Variants in AMPD2 observed in about 807,000 individuals in gnomAD.
The protein encoded by AMPD2 is adenosine monophosphate deaminase 2, also known as AMP deaminase 2.
Under a neutral mutation model 91.3 loss-of-function variants are expected in AMPD2, and 52 were observed. The ratio of observed to expected loss-of-function variants is 0.57; its 90% CI spans 0.46 to 0.72. AMPD2 has a LOEUF of 0.72. AMPD2 is among the 30% of genes least tolerant of loss of function. AMPD2 has a pLI of 0.00. For missense variants in AMPD2, 822 were observed against 1,122.3 expected (o/e 0.73, Z 3.82); for synonymous variants, 455 against 456.4 (o/e 1.00, Z 0.04).
Position 109,629,719 on chromosome 1 carries a change from C to T in AMPD2, c.1863-77C>T, listed in dbSNP as rs569544577. 1.6e-3 allele frequency: 2,278 copies of T among 1,442,574 alleles called. 21 individuals carry two copies. The African/African-American group carries it at 0.047, about 30-fold the overall frequency. The allele number at this position is 1,442,574 out of a possible 1,614,324, so 89.4% of individuals were successfully genotyped here. ...TTATTGGCTGGAGGACATATGCGTG[C>T]TGGGTGGGGGTCAGGGGCTCCGGTG... On this transcript the variant is annotated intron_variant, in intron 15 of 18. Transcript: ENST00000528667.
At chr1:109,621,305 C>T in intron 2 of AMPD2, 39 bp downstream of exon 2, 1 of 1,603,292 alleles carries the variant, frequency 6.2e-7, no homozygotes, top group South Asian at 1.1e-5. Flanking sequence ...AGATGCTGGG[C>T]TCTGTCTTGC....
chr1:109,629,260 T>C (rs1485270659), intron 14 of AMPD2, 25 bp downstream of exon 14: 2 of 1,613,966 alleles, frequency 1.2e-6, no homozygotes, highest in South Asian at 2.2e-5. Context: ...CAGAGCTGGG[T>C]ATGGGGAGGG....
At chr1:109,621,447 G>A (rs1318177461) in intron 2 of AMPD2, 181 bp downstream of exon 2, 3 of 657,896 alleles carry the variant, frequency 4.6e-6, no homozygotes, top group Middle Eastern at 4.1e-4. Context: ...GGTGGGGGGC[G>A]GGGGGTGGAT....
Position 109,624,445 on chromosome 1 carries a change from G to A in AMPD2, c.92-858G>A, listed in dbSNP as rs991942576. Among the ~76,000 whole-genome samples, 15 of 152,290 alleles carry A rather than the reference G, an allele frequency of 9.8e-5. No homozygotes were observed. In the East Asian group the frequency reaches 2.1e-3, roughly 22 times the overall value. On this transcript the variant is annotated intron_variant, in intron 2 of 18. Coordinates refer to ENST00000528667, the MANE Select transcript of AMPD2 (RefSeq NM_001368809.2). The surrounding 1 kb of genome is among the most constrained non-coding windows in gnomAD (Gnocchi z 5.2). ...ACGGCCCTCTGGTGCCAGCCTCCTC[G>A]TGGTACAGATGGAAAGTCTAGTCTT...
intron 2 of AMPD2, among the ~76,000 whole-genome samples, chr1:109,621,612 C>CT (rs1388585422): frequency 6.6e-6 from 1 of 152,166 alleles, no homozygotes; most frequent in Non-Finnish European, 1.5e-5. Flanking sequence ...GTGGGACTGA[C>CT]TGTTTTGTGG....
chr1:109,629,856 C>T lies in AMPD2; in HGVS notation c.1923C>T (p.His641=). Residue 641 remains histidine (H), a synonymous_variant, in exon 16 of 19, where the codon CAC becomes CAT. Transcript: ENST00000528667. ...RPHCGEAGPI[H]HLVSAFMLAE... is the part of the protein sequence containing the mutation. ...ACTGTGGGGAGGCTGGGCCCATCCA[C>T]CACCTGGTGTCAGCCTTCATGCTGG... is the stretch of plus-strand genomic sequence containing the variant. 5.0e-6 allele frequency: 8 copies of T among 1,612,774 alleles called. No individual in the cohort carries two copies. The highest frequency in any genetic ancestry group is 5.9e-6 in the Non-Finnish European group (7 of 1,179,174).
intron 2 of AMPD2, chr1:109,622,254 G>T (rs192951258): frequency 7.5e-4 from 344 of 456,318 alleles, no homozygotes; most frequent in African/African-American, 6.5e-3. Flanking sequence ...TCCAGAAAGG[G>T]TGTCCCCTGG....
rs1650728888 is a variant in AMPD2, at chr1:109,626,821, C to T, written c.627C>T (p.Cys209=). 3.7e-6 allele frequency: 6 copies of T among 1,613,766 alleles called. No homozygotes were observed. The highest frequency in any genetic ancestry group is 5.1e-6 in the Non-Finnish European group (6 of 1,179,912). The part of the protein sequence containing the change: ...KYMALSLQSF[C]PTTRRYLQQL... ...TGGCCCTGTCCCTGCAGAGCTTCTG[C>T]CCCACCACCCGCCGCTACCTGCAGC... is the stretch of plus-strand genomic sequence containing the variant. The change falls in exon 7 of 19, where the codon TGC becomes TGT. Residue 209 remains cysteine (C), a synonymous_variant. Transcript: ENST00000528667.
At chr1:109,621,385 C>A in intron 2 of AMPD2, 119 bp downstream of exon 2, 1 of 1,170,166 alleles carries the variant, frequency 8.5e-7, no homozygotes. Context: ...TGTGGTGGTG[C>A]CCCTCAACCT....
At chr1:109,620,350 G>A in intron 1 of AMPD2, 72 bp downstream of exon 1, 1 of 1,597,762 alleles carries the variant, frequency 6.3e-7, no homozygotes. Context: ...GTGACAAGAG[G>A]GTGGGAGTCA....
rs188035528 is a variant in AMPD2, at chr1:109,629,316, T to C, written c.1699-11T>C. Reference sequence around the variant, plus strand: ...TGCAGCTCTGGTTCTGACCCCAGGGTTCTGTATTAGGTGGATGGTTTTGAC... The same window carrying C: ...TGCAGCTCTGGTTCTGACCCCAGGGCTCTGTATTAGGTGGATGGTTTTGAC... On this transcript the variant is annotated splice_polypyrimidine_tract_variant and intron_variant, in intron 14 of 18. Transcript: ENST00000528667. 1,805 of 1,613,972 alleles carry C rather than the reference T, an allele frequency of 1.1e-3. 5 individuals carry two copies. Among genetic ancestry groups the C allele is most frequent in the Non-Finnish European group, 1.4e-3 (1,671 of 1,179,972 alleles).
rs1329124079 is a variant in AMPD2 at position 109,630,868 on chromosome 1, C to T, written c.2268+75C>T. ...TCTGCATTTGGGGTCCTGACCTGTC[C>T]CTGGGATGGCTTGGGGTGGGGCATG... On this transcript the variant is annotated intron_variant, in intron 18 of 18. Transcript: ENST00000528667. The T allele has an allele frequency of 2.1e-5, 34 of 1,599,920 alleles. 1 individual carries two copies. The Admixed American group carries it at 5.7e-4, about 27-fold the overall frequency.
chr1:109,629,413 G>A lies in AMPD2; in HGVS notation c.1785G>A (p.Val595=). ...AGAGCCCCCTGCCTGAGGCGTGGGT[G>A]GAGGAGGACAACCCACCCTATGCCT... ...NLESPLPEAW[V]EEDNPPYAYY... The change falls in exon 15 of 19, where the codon GTG becomes GTA. Residue 595 remains valine (V), a synonymous_variant. Transcript: ENST00000528667. 1 of 1,614,106 alleles carries A rather than the reference G, an allele frequency of 6.2e-7. No homozygotes were observed. Among genetic ancestry groups the A allele is most frequent in the Non-Finnish European group, 8.5e-7 (1 of 1,180,014 alleles).
rs778560232 is a variant in AMPD2, at chr1:109,630,420, A to C, written c.2157+14A>C. ...CACTTCACCAAGGTCAGAGCCCAGC[A>C]GGCAGCCAGGCGGGCGGGCGTCCCA... On this transcript the variant is annotated intron_variant, in intron 17 of 18. Coordinates refer to ENST00000528667, the MANE Select transcript of AMPD2 (RefSeq NM_001368809.2). 8.9e-6 allele frequency: 12 copies of C among 1,344,154 alleles called. No homozygotes were observed. The highest frequency in any genetic ancestry group is 1.2e-5 in the Non-Finnish European group (12 of 1,019,402). The allele number at this position is 1,344,154 out of a possible 1,614,324, so 83.3% of individuals were successfully genotyped here.
At chr1:109,621,439 T>TGGGGGGGG (rs1553228294) in intron 2 of AMPD2, 173 bp downstream of exon 2, 3 of 123,386 alleles carry the variant, frequency 2.4e-5, no homozygotes, top group East Asian at 2.9e-4. Context: ...TGAGGGGTGG[T>TGGGGGGGG]GGGGGGCGGG....
In AMPD2 at chr1:109,625,688, G is replaced by C. The variant is rs766926291; in HGVS notation, c.249G>C (p.Glu83Asp). 6 of 1,614,150 alleles carry C rather than the reference G, an allele frequency of 3.7e-6. No individual in the cohort carries two copies. Among genetic ancestry groups the C allele is most frequent in the South Asian group, 1.1e-5 (1 of 91,082 alleles). ...AEELFTRSLAESELRSAPYEF... is the reference protein window; with the variant it reads ...AEELFTRSLADSELRSAPYEF... ...AGCTGTTCACCCGCTCACTGGCTGA[G>C]AGCGAGCTCCGTAGTGCCCCGTATG... Residue 83 changes from glutamate to aspartate, a missense_variant, in exon 4 of 19, where the codon GAG becomes GAC. Transcript: ENST00000528667. The surrounding 1 kb of genome is among the most constrained non-coding windows in gnomAD (Gnocchi z 4.0).
rs863978 is a variant in AMPD2 at position 109,628,274 on chromosome 1, T to C, written c.1272T>C (p.His424=). Residue 424 remains histidine, a synonymous_variant, in exon 11 of 19, where the codon CAT becomes CAC. Coordinates refer to ENST00000528667, the MANE Select transcript of AMPD2 (RefSeq NM_001368809.2). The surrounding 1 kb of genome is among the most constrained non-coding windows in gnomAD (Gnocchi z 7.1). The part of the protein sequence containing the change: ...YDLSVDTLDV[H]ADRNTFHRFD... ...TGAGTGTGGACACGCTGGATGTGCA[T>C]GCGGTCTGTGCCAGTGGCGTGGGCT... 1,104,005 of 1,612,736 alleles carry C rather than the reference T, an allele frequency of 0.68. 383,184 individuals carry two copies. Among genetic ancestry groups the C allele is most frequent in the East Asian group, 0.99 (44,238 of 44,834 alleles).
At position 109,630,388 on chromosome 1, in the gene AMPD2, G is replaced by A; in HGVS notation, c.2139G>A (p.Leu713=). The A allele has an allele frequency of 6.2e-7, 1 of 1,600,438 alleles. No homozygotes were observed. Among genetic ancestry groups the A allele is most frequent in the Non-Finnish European group, 8.5e-7 (1 of 1,172,874 alleles). Residue 713 remains leucine (L), a synonymous_variant, in exon 17 of 19, where the codon TTG becomes TTA. Coordinates refer to ENST00000528667, the MANE Select transcript of AMPD2 (RefSeq NM_001368809.2). ...TCTCCCTGTCCACTGATGATCCCTT[G>A]CAGTTCCACTTCACCAAGGTCAGAG... is the stretch of plus-strand genomic sequence containing the variant. ...LMVSLSTDDP[L]QFHFTKEPLM...
intron 6 of AMPD2, 149 bp from the exon 7 acceptor site, chr1:109,626,577 A>T: frequency 7.6e-7 from 1 of 1,320,118 alleles, no homozygotes; most frequent in Non-Finnish European, 1.0e-6. Flanking sequence ...CCTAGGAGCC[A>T]CTTGATGTGC....
Sources: allele counts gnomAD v4.1 joint callset (sites outside exome capture counted in the v4.1 genomes callset), GRCh38; gene constraint gnomAD v4.1.1; non-coding constraint Gnocchi (gnomAD v3.1); transcripts MANE v1.5; gene names NCBI Gene and HGNC (gene_info 2026-07-23, HGNC 2026-07-21).